TAGAP: variants seen among roughly 807,000 people sequenced by gnomAD.
TAGAP encodes the protein T-cell activation Rho GTPase-activating protein.
TAGAP carries 16 observed loss-of-function variants against 36.0 expected under a neutral mutation model. The observed-to-expected ratio is 0.44, with a 90% confidence interval of 0.30 to 0.68. The LOEUF (loss-of-function observed/expected upper bound fraction) is 0.68, where lower values mean the gene tolerates loss of function less well. Ranked by LOEUF, TAGAP falls within the 30% of genes least tolerant of loss-of-function variation. TAGAP has a pLI of 0.09. For missense variants in TAGAP, 794 were observed against 921.5 expected (o/e 0.86, Z 1.79); for synonymous variants, 372 against 377.4 (o/e 0.99, Z 0.17).
intron 4 of TAGAP, 86 bp downstream of exon 4, chr6:159,043,503 G>T: frequency 7.8e-7 from 1 of 1,282,494 alleles, no homozygotes. Flanking sequence ...AAAATTCCTA[G>T]TAGAGTAAAA....
At chr6:159,038,411 A>G (rs1313119442) in intron 8 of TAGAP, among the ~76,000 whole-genome samples, 183 bp from the exon 9 acceptor site, 1 of 148,790 alleles carries the variant, frequency 6.7e-6, no homozygotes. Flanking sequence ...TTTTTTTGAG[A>G]CAGGCTTTCA....
At chr6:159,038,915 CAG>C in intron 8 of TAGAP, 197 bp downstream of exon 8, 1 of 1,425,030 alleles carries the variant, frequency 7.0e-7, no homozygotes. Context: ...TCACAGATGA[CAG>C]AAGACACGGA....
Position 159,035,811 on chromosome 6 carries a change from G to C in TAGAP, c.*16C>G. 6.3e-7 allele frequency: 1 copy of C among 1,575,784 alleles called. No individual in the cohort carries two copies. The highest frequency in any genetic ancestry group is 8.7e-7 in the Non-Finnish European group (1 of 1,152,836). The stretch of plus-strand genomic sequence containing the variant: ...TACAGATAGCACAAGCTATGGCATG[G>C]CGTATGGCCTCCCTCCTAAATATAC... On this transcript the variant is annotated 3_prime_UTR_variant, in exon 10 of 10. Transcript: ENST00000367066.
rs1262433882 is a variant in TAGAP at position 159,037,354 on chromosome 6, A to AT, written c.899-231dup. ...CAGGTGCCCGCCACCATGCCTGGCTATTTTTTCTATTTTTAGTAGAGACGG... is the reference window on the plus strand; with the variant it reads ...CAGGTGCCCGCCACCATGCCTGGCTATTTTTTTCTATTTTTAGTAGAGACGG... On this transcript the variant is annotated intron_variant, in intron 9 of 9. Transcript: ENST00000367066. The surrounding 1 kb of genome is among the most constrained non-coding windows in gnomAD (Gnocchi z 5.1). 6.6e-6 allele frequency among the ~76,000 whole-genome samples: 1 copy of AT among 151,306 alleles called. No individual in the cohort carries two copies. The highest frequency in any genetic ancestry group is 6.6e-5 in the Admixed American group (1 of 15,212).
rs955938576 is a variant in TAGAP, at chr6:159,038,963, A to G, written c.783+151T>C. 2.0e-6 allele frequency: 3 copies of G among 1,488,898 alleles called. No homozygotes were observed. In the African/African-American group the frequency reaches 4.2e-5, roughly 21 times the overall value. 92.2% of individuals were successfully genotyped at this position (1,488,898 alleles called of 1,614,324 possible). A position where few individuals can be genotyped will look rare whatever the true frequency, so the allele number is the denominator to read the frequency against. Reference sequence around the variant, plus strand: ...TTCATTAGATACATGTATCTGAGAGAGTGGAACTATGACAAAAGCATTTTG... The same window carrying G: ...TTCATTAGATACATGTATCTGAGAGGGTGGAACTATGACAAAAGCATTTTG... On this transcript the variant is annotated intron_variant, in intron 8 of 9. Transcript: ENST00000367066.
Position 159,035,608 on chromosome 6 carries a change from T to C in TAGAP, c.*219A>G. The C allele has an allele frequency of 2.0e-6, 1 of 507,174 alleles. No homozygotes were observed. Among genetic ancestry groups the C allele is most frequent in the Non-Finnish European group, 3.5e-6 (1 of 284,970 alleles). The allele number at this position is 507,174 out of a possible 1,614,324, so 31.4% of individuals were successfully genotyped here. On this transcript the variant is annotated 3_prime_UTR_variant, in exon 10 of 10. Coordinates refer to ENST00000367066, the MANE Select transcript of TAGAP (RefSeq NM_054114.5). ...TCCTTTGCACCTAACACCTTATCTA[T>C]AATACATTTGATACATTTTTACATA...
intron 7 of TAGAP, among the ~76,000 whole-genome samples, chr6:159,040,223 G>C (rs946135796): frequency 6.6e-6 from 1 of 152,098 alleles, no homozygotes; most frequent in Non-Finnish European, 1.5e-5. Context: ...TTTCATTTGG[G>C]TTAATTATAA....
At position 159,041,275 on chromosome 6, in the gene TAGAP, G is replaced by A; in HGVS notation, c.477+79C>T. ...AGTGTACCTTGCTGTGTGGGGAGAA[G>A]AGCCTATTTCTTGCATCCTGAGAAT... On this transcript the variant is annotated intron_variant, in intron 6 of 9. Transcript: ENST00000367066. This position sits in a 1 kb window ranked among gnomAD's most constrained non-coding sequence, Gnocchi z 4.1. The A allele has an allele frequency of 6.5e-7, 1 of 1,540,728 alleles. No homozygotes were observed. The highest frequency in any genetic ancestry group is 1.4e-5 in the African/African-American group (1 of 72,592).
At position 159,040,910 on chromosome 6, in the gene TAGAP, C is replaced by T; in HGVS notation, c.478-78G>A. On this transcript the variant is annotated intron_variant, in intron 6 of 9. Coordinates refer to ENST00000367066, the MANE Select transcript of TAGAP (RefSeq NM_054114.5). ...TCCTTGTTTTCACCCGGTTTTCGTT[C>T]CATCGCAGGGTGCTCTATGCTTAGC... 3.5e-6 allele frequency: 4 copies of T among 1,128,890 alleles called. No individual in the cohort carries two copies. In the Admixed American group the frequency reaches 5.6e-5, roughly 16 times the overall value. The allele number at this position is 1,128,890 out of a possible 1,614,324, so 69.9% of individuals were successfully genotyped here. A position where few individuals can be genotyped will look rare whatever the true frequency, so the allele number is the denominator to read the frequency against.
In TAGAP at chr6:159,040,643, A is replaced by G. The variant is rs1315473059; in HGVS notation, c.587+80T>C. ...CAATTCTCATGGAACAGGGATCATG[A>G]AGCATTTAGAAAGCTGTGTAAAGAA... On this transcript the variant is annotated intron_variant, in intron 7 of 9. Transcript: ENST00000367066. The G allele has an allele frequency of 4.3e-6, 5 of 1,150,442 alleles. No homozygotes were observed. The East Asian group carries it at 9.4e-5, about 22-fold the overall frequency. The allele number at this position is 1,150,442 out of a possible 1,614,324, so 71.3% of individuals were successfully genotyped here. A position where few individuals can be genotyped will look rare whatever the true frequency, so the allele number is the denominator to read the frequency against.
Position 159,041,794 on chromosome 6 carries a change from T to C in TAGAP, c.316-279A>G, listed in dbSNP as rs978244887. The C allele has an allele frequency of 1.1e-4, 58 of 535,982 alleles. No individual in the cohort carries two copies. Among genetic ancestry groups the C allele is most frequent in the Non-Finnish European group, 1.7e-4 (52 of 307,882 alleles). 33.2% of individuals were successfully genotyped at this position (535,982 alleles called of 1,614,324 possible). On this transcript the variant is annotated intron_variant, in intron 5 of 9. Transcript: ENST00000367066. This position sits in a 1 kb window ranked among gnomAD's most constrained non-coding sequence, Gnocchi z 4.1. ...TATTCTGTTTCCCCCTTTTGACTTT[T>C]CAGAAGCTACAAATCTTCAGCATTC...
chr6:159,039,261 C>T lies in TAGAP; in HGVS notation c.636G>A (p.Leu212=). 1 of 1,613,882 alleles carries T rather than the reference C, an allele frequency of 6.2e-7. No homozygotes were observed. Among genetic ancestry groups the T allele is most frequent in the Non-Finnish European group, 8.5e-7 (1 of 1,179,998 alleles). ...PRPNLLLLKH[L]VYVLHLISKN... Reference sequence around the variant, plus strand: ...TGCTGATGAGGTGCAGCACATAGACCAAGTGCTTGAGTAGCAGGAGGTTGG... The same window carrying T: ...TGCTGATGAGGTGCAGCACATAGACTAAGTGCTTGAGTAGCAGGAGGTTGG... The change falls in exon 8 of 10, where the codon TTG becomes TTA. Residue 212 remains leucine (L), a synonymous_variant. Coordinates refer to ENST00000367066, the MANE Select transcript of TAGAP (RefSeq NM_054114.5).
chr6:159,038,944 A>C, intron 8 of TAGAP, 170 bp downstream of exon 8: 1 of 1,452,780 alleles, frequency 6.9e-7, no homozygotes, highest in South Asian at 1.4e-5. Context: ...CAGTTTCATT[A>C]GATACATGTA....
chr6:159,041,516 C>G lies in TAGAP; in HGVS notation c.316-1G>C. ...TAAGGCATAGAATAGTGAGAATGTC[C>G]TAAAGGAAACAGCAATAGGAACAGG... On this transcript the variant is annotated splice_acceptor_variant, in intron 5 of 9. Coordinates refer to ENST00000367066, the MANE Select transcript of TAGAP (RefSeq NM_054114.5). LOFTEE classifies it high-confidence loss of function. The surrounding 1 kb of genome is among the most constrained non-coding windows in gnomAD (Gnocchi z 4.1). 1 of 1,613,134 alleles carries G rather than the reference C, an allele frequency of 6.2e-7. No individual in the cohort carries two copies. Among genetic ancestry groups the G allele is most frequent in the Non-Finnish European group, 8.5e-7 (1 of 1,179,628 alleles).
At position 159,041,377 on chromosome 6, in the gene TAGAP, G is replaced by A. The variant is rs376345765; in HGVS notation, c.454C>T (p.His152Tyr). 18 of 1,613,952 alleles carry A rather than the reference G, an allele frequency of 1.1e-5. No individual in the cohort carries two copies. The highest frequency in any genetic ancestry group is 1.4e-5 in the Non-Finnish European group (17 of 1,180,040). Reference protein sequence around the residue: ...DAVDLERLPVHLLAVVFKDFL... With the variant: ...DAVDLERLPVYLLAVVFKDFL... ...ACCTTAAAGACCACAGCGAGGAGGT[G>A]CACGGGGAGCCTCTCCAGATCCACC... The change falls in exon 6 of 10, where the codon CAC (histidine) becomes TAC (tyrosine). Residue 152 changes from histidine to tyrosine, a missense_variant. His to Tyr is a moderately conservative substitution (Grantham distance 83). Coordinates refer to ENST00000367066, the MANE Select transcript of TAGAP (RefSeq NM_054114.5). The surrounding 1 kb of genome is among the most constrained non-coding windows in gnomAD (Gnocchi z 4.1).
At chr6:159,038,319 C>A in intron 8 of TAGAP, 91 bp from the exon 9 acceptor site, 1 of 643,706 alleles carries the variant, frequency 1.6e-6, no homozygotes, top group Non-Finnish European at 2.7e-6. Flanking sequence ...ACACTGGAGT[C>A]AGGTGCCAAA....
chr6:159,037,694 AAG>A lies in TAGAP; in HGVS notation c.898+418_898+419del, dbSNP rs771845418. Among the ~76,000 whole-genome samples, 2 of 152,206 alleles carry A rather than the reference AAG, an allele frequency of 1.3e-5. No homozygotes were observed. The highest frequency in any genetic ancestry group is 2.4e-5 in the African/African-American group (1 of 41,458). On this transcript the variant is annotated intron_variant, in intron 9 of 9. Transcript: ENST00000367066. The surrounding 1 kb of genome is among the most constrained non-coding windows in gnomAD (Gnocchi z 5.1). ...GAGTAAAGGAGGGAGGAAGGAGAGA[AAG>A]AGAGGAGAGAATAAGAAAAGAGAGA...
chr6:159,036,778 A>C lies in TAGAP; in HGVS notation c.1245T>G (p.Ser415Arg). ...CTGGAAATGGGTCTTCAGCCTCCTCACTTTCCAAACGAGAGCCTACCCGGG... is the reference window on the plus strand; with the variant it reads ...CTGGAAATGGGTCTTCAGCCTCCTCCCTTTCCAAACGAGAGCCTACCCGGG... The part of the protein sequence containing the change: ...PVPRVGSRLE[S>R]EEAEDPFPEE... Residue 415 changes from serine to arginine, a missense_variant, in exon 10 of 10, where the codon AGT becomes AGG. Ser to Arg is a moderately radical substitution (Grantham distance 110, BLOSUM62 -1). Coordinates refer to ENST00000367066, the MANE Select transcript of TAGAP (RefSeq NM_054114.5). The surrounding 1 kb of genome is among the most constrained non-coding windows in gnomAD (Gnocchi z 4.9). 6.2e-7 allele frequency: 1 copy of C among 1,613,966 alleles called. No homozygotes were observed. The highest frequency in any genetic ancestry group is 8.5e-7 in the Non-Finnish European group (1 of 1,179,956).
rs1779850232 is a variant in TAGAP at position 159,044,022 on chromosome 6, G to C, written c.37C>G (p.Leu13Val). ...LRSSHNASKT[L>V]NANNMETLIE... is the part of the protein sequence containing the mutation. Reference sequence around the variant, plus strand: ...AGTGTCTCCATATTATTGGCGTTTAGTGTTTTTGACTAAAAGAGAAAAAAT... The same window carrying C: ...AGTGTCTCCATATTATTGGCGTTTACTGTTTTTGACTAAAAGAGAAAAAAT... Residue 13 changes from leucine to valine, a missense_variant, in exon 3 of 10, where the codon CTA becomes GTA. Coordinates refer to ENST00000367066, the MANE Select transcript of TAGAP (RefSeq NM_054114.5). 1 of 1,613,690 alleles carries C rather than the reference G, an allele frequency of 6.2e-7. No individual in the cohort carries two copies. The highest frequency in any genetic ancestry group is 8.5e-7 in the Non-Finnish European group (1 of 1,179,900).
Sources: allele counts gnomAD v4.1 joint callset (sites outside exome capture counted in the v4.1 genomes callset), GRCh38; gene constraint gnomAD v4.1.1; non-coding constraint Gnocchi (gnomAD v3.1); transcripts MANE v1.5; gene names NCBI Gene and HGNC (gene_info 2026-07-23, HGNC 2026-07-21).